The following DNAH5 variants were observed in gnomAD, a reference collection of about 807,000 sequenced individuals.
The protein encoded by DNAH5 is dynein axonemal heavy chain 5.
A neutral mutation model predicts 518.2 loss-of-function variants in DNAH5; 372 were observed. The observed-to-expected ratio is 0.72, with a 90% CI of 0.66 to 0.78. The LOEUF is 0.78. Among genes scored for constraint, DNAH5 ranks in the 30% least tolerant of loss-of-function variants. The pLI is 0.00. For synonymous variants in DNAH5, 2,039 were observed against 2,025.9 expected, an observed-to-expected ratio of 1.01 and a Z score of -0.17; for missense variants, 5,523 against 5,687.0, an observed-to-expected ratio of 0.97 and a Z score of 0.93.
chr5:13,760,852 A>C (rs187931002), intron 60 of DNAH5, among the ~76,000 whole-genome samples: 1 of 152,344 alleles, frequency 6.6e-6, no homozygotes, highest in Admixed American at 6.5e-5. Context: ...GAATTTCTTA[A>C]TATATTCAAC....
rs1781620456 is a variant in DNAH5 at position 13,967,760 on chromosome 5, AT to A, written c.13-36517del. Among the ~76,000 whole-genome samples the A allele has an allele frequency of 9.5e-5, 14 of 148,018 alleles. 1 individual carries two copies. In the Admixed American group the frequency reaches 9.6e-4, roughly 10 times the overall value. On this transcript the variant is annotated intron_variant, in intron 1 of 78. Transcript: ENST00000681290. ...ATGGTGGTATTTTGATGGGAATTGC[AT>A]TGAATTTGTAGATTGCTTTTGGCCA...
chr5:13,967,209 T>C (rs1315989285), intron 1 of DNAH5, among the ~76,000 whole-genome samples: 2 of 152,226 alleles, frequency 1.3e-5, no homozygotes, highest in Non-Finnish European at 2.9e-5. Flanking sequence ...TCTTTGTTTT[T>C]GTTGCATTTG....
At chr5:13,732,358 G>A (rs948487062) in intron 68 of DNAH5, among the ~76,000 whole-genome samples, 5 of 151,984 alleles carry the variant, frequency 3.3e-5, no homozygotes, top group Admixed American at 6.6e-5. Flanking sequence ...GCAGGAGCTG[G>A]GGTCTCTCTT....
At chr5:13,810,311 G>A (rs1353845598) in intron 44 of DNAH5, 51 bp from the exon 45 acceptor site, 2 of 1,491,642 alleles carry the variant, frequency 1.3e-6, no homozygotes, top group South Asian at 1.2e-5. Flanking sequence ...AAACCCAAAC[G>A]TTGCTCTAGG....
intron 1 of DNAH5, among the ~76,000 whole-genome samples, chr5:13,967,745 T>C (rs1781619670): frequency 6.6e-6 from 1 of 150,792 alleles, no homozygotes; most frequent in South Asian, 2.1e-4. Flanking sequence ...ATGGTGGTAT[T>C]TTGATGGGAA....
chr5:13,897,074 G>A (rs930317684), intron 15 of DNAH5, among the ~76,000 whole-genome samples: 6 of 152,184 alleles, frequency 3.9e-5, no homozygotes, highest in African/African-American at 1.4e-4. Flanking sequence ...ATGATTCTTA[G>A]AAACCTGCTT....
chr5:13,860,681 A>T (rs1768286958), intron 29 of DNAH5: 1 of 152,092 alleles, frequency 6.6e-6, no homozygotes, highest in Non-Finnish European at 1.5e-5. Context: ...TCCAACCTGA[A>T]CCACCTACAT....
chr5:13,816,533 CT>C (rs1429040378), intron 42 of DNAH5, among the ~76,000 whole-genome samples: 4 of 143,604 alleles, frequency 2.8e-5, no homozygotes, highest in African/African-American at 1.0e-4. Context: ...CATATGTTGC[CT>C]TTTTTTAATG....
intron 17 of DNAH5, among the ~76,000 whole-genome samples, chr5:13,889,136 T>C (rs573365418): frequency 6.6e-6 from 1 of 152,348 alleles, no homozygotes; most frequent in Admixed American, 6.5e-5. Context: ...GATGGTATAA[T>C]TGATTAAAAG....
At chr5:13,833,599 G>A (rs1240461173) in intron 35 of DNAH5, among the ~76,000 whole-genome samples, 1 of 152,170 alleles carries the variant, frequency 6.6e-6, no homozygotes, top group East Asian at 1.9e-4. Flanking sequence ...GAATGAGGGA[G>A]GTTAGGTGTC....
At chr5:13,873,929 C>A (rs1561482878) in intron 22 of DNAH5, among the ~76,000 whole-genome samples, 1 of 152,174 alleles carries the variant, frequency 6.6e-6, no homozygotes, top group Non-Finnish European at 1.5e-5. Context: ...GTGCAATTAT[C>A]TGAAATAACT....
intron 17 of DNAH5, among the ~76,000 whole-genome samples, chr5:13,888,426 CT>C (rs1020832687): frequency 2.6e-5 from 4 of 152,208 alleles, no homozygotes; most frequent in African/African-American, 9.7e-5. Flanking sequence ...CACTCCCTCC[CT>C]TCAAATCTAA....
At chr5:13,910,160 A>G (rs374781062) in intron 12 of DNAH5, among the ~76,000 whole-genome samples, 4 of 152,256 alleles carry the variant, frequency 2.6e-5, no homozygotes, top group East Asian at 3.9e-4. Context: ...CTTCCCATCA[A>G]ATGAAGCCTG....
chr5:13,761,317 G>C (rs1189965017), intron 60 of DNAH5, among the ~76,000 whole-genome samples: 1 of 152,168 alleles, frequency 6.6e-6, no homozygotes, highest in Admixed American at 6.5e-5. Context: ...TATGTGGCCG[G>C]GCACAGTGGC....
intron 1 of DNAH5, among the ~76,000 whole-genome samples, chr5:13,933,323 G>C (rs750608662): frequency 6.6e-6 from 1 of 152,180 alleles, no homozygotes; most frequent in South Asian, 2.1e-4. Context: ...CCAGCAGGTG[G>C]TATGTGCATT....
At chr5:13,771,511 T>C (rs1176692872) in intron 55 of DNAH5, among the ~76,000 whole-genome samples, 2 of 152,198 alleles carry the variant, frequency 1.3e-5, no homozygotes, top group South Asian at 2.1e-4. Flanking sequence ...AGTTCTTATT[T>C]ACAGTATTCT....
rs183442640 is a variant in DNAH5 at position 13,865,229 on chromosome 5, G to A, written c.4355+439C>T. ...AGGATAGTCTCAATCTCCTGACCTC[G>A]TGATCTGCCCACCTCAGCCTCCCAA... On this transcript the variant is annotated intron_variant, in intron 27 of 78. Coordinates refer to ENST00000265104, the MANE Select transcript of DNAH5 (RefSeq NM_001369.3). Among the ~76,000 whole-genome samples the A allele has an allele frequency of 1.2e-4, 18 of 152,052 alleles. No homozygotes were observed. The East Asian group carries it at 2.5e-3, about 21-fold the overall frequency.
chr5:13,863,280 C>T (rs1768757046), intron 28 of DNAH5, among the ~76,000 whole-genome samples: 1 of 152,146 alleles, frequency 6.6e-6, no homozygotes, highest in African/African-American at 2.4e-5. Flanking sequence ...AGCTCATTTA[C>T]ACCCATGACT....
At chr5:13,955,152 C>A (rs77711188) in intron 1 of DNAH5, among the ~76,000 whole-genome samples, 4,820 of 152,232 alleles carry the variant, frequency 0.032, 249 homozygotes, top group African/African-American at 0.11. Context: ...CAACTGCTGT[C>A]TCGCGATTGA....
Sources: allele counts gnomAD v4.1 joint callset (sites outside exome capture counted in the v4.1 genomes callset), GRCh38; gene constraint gnomAD v4.1.1; transcripts MANE v1.5; gene names NCBI Gene and HGNC (gene_info 2026-07-23, HGNC 2026-07-21).